ADAM22: variants seen among roughly 807,000 people sequenced by gnomAD.
The protein encoded by ADAM22 is ADAM metallopeptidase domain 22.
In ADAM22, 65 loss-of-function variants were observed where a neutral mutation model predicts 144.6. The observed-to-expected ratio is 0.45, with a 90% CI of 0.37 to 0.55. The LOEUF (loss-of-function observed/expected upper bound fraction) is 0.55, where lower values mean the gene tolerates loss of function less well. ADAM22 is among the 20% of genes least tolerant of loss of function. The pLI is 0.00. For missense variants in ADAM22, 974 were observed against 1,184.9 expected (o/e 0.82, Z 2.61); for synonymous variants, 391 against 412.6 (o/e 0.95, Z 0.63).
At chr7:88,126,794 A>G (rs527918138) in intron 8 of ADAM22, among the ~76,000 whole-genome samples, 375 of 152,024 alleles carry the variant, frequency 2.5e-3, no homozygotes, top group Non-Finnish European at 4.1e-3. Context: ...AAAGTTTTTC[A>G]TTCTGGAGCA....
chr7:88,061,224 C>T (rs1013140530), intron 3 of ADAM22, among the ~76,000 whole-genome samples: 1 of 152,154 alleles, frequency 6.6e-6, no homozygotes, highest in Non-Finnish European at 1.5e-5. Flanking sequence ...TGCAGGACTT[C>T]CTCCACTGAA....
intron 3 of ADAM22, among the ~76,000 whole-genome samples, chr7:88,070,731 T>C (rs557530171): frequency 7.9e-5 from 12 of 152,258 alleles, no homozygotes; most frequent in African/African-American, 2.6e-4. Flanking sequence ...ACTGAGAGAG[T>C]TATGCATTAG....
Position 88,199,854 on chromosome 7 carries a change from G to GT in ADAM22, c.*3366dup, listed in dbSNP as rs1851042287. On this transcript the variant is annotated 3_prime_UTR_variant, in exon 32 of 32. Coordinates refer to ENST00000413139, the MANE Select transcript of ADAM22 (RefSeq NM_001324418.2). ...ACTTTAAAAAGAATTTTAAAATTGTGTTTGTATATAAGGTCAGTCTGGCAT... is the reference window on the plus strand; with the variant it reads ...ACTTTAAAAAGAATTTTAAAATTGTGTTTTGTATATAAGGTCAGTCTGGCAT... 2 of 152,124 alleles carry GT rather than the reference G, an allele frequency of 1.3e-5. No homozygotes were observed. Among genetic ancestry groups the GT allele is most frequent in the Admixed American group, 1.3e-4 (2 of 15,274 alleles). The allele number at this position is 152,124 out of a possible 1,614,324, so 9.4% of individuals were successfully genotyped here.
intron 2 of ADAM22, among the ~76,000 whole-genome samples, chr7:87,955,605 C>G (rs958139835): frequency 2.6e-5 from 4 of 152,192 alleles, no homozygotes; most frequent in Non-Finnish European, 5.9e-5. Context: ...AGGAGGCAGT[C>G]TGCCCGTTCT....
chr7:88,175,232 A>G (rs557334387), intron 26 of ADAM22, among the ~76,000 whole-genome samples: 1 of 152,218 alleles, frequency 6.6e-6, no homozygotes, highest in Non-Finnish European at 1.5e-5. Context: ...GAATGCTAAC[A>G]TAACAACTAG....
intron 4 of ADAM22, among the ~76,000 whole-genome samples, chr7:88,079,947 A>G (rs1156380371): frequency 6.6e-6 from 1 of 152,198 alleles, no homozygotes; most frequent in Non-Finnish European, 1.5e-5. Flanking sequence ...ACGACACAGA[A>G]AGTTAAGAAG....
At chr7:88,130,569 C>G (rs1294611658) in intron 10 of ADAM22, 110 bp downstream of exon 10, 1 of 1,045,522 alleles carries the variant, frequency 9.6e-7, no homozygotes, top group South Asian at 1.8e-5. Flanking sequence ...TGCACTTCAG[C>G]CAAGGTGTCT....
intron 3 of ADAM22, among the ~76,000 whole-genome samples, chr7:87,985,185 C>T (rs1008451380): frequency 4.6e-5 from 7 of 151,446 alleles, no homozygotes; most frequent in South Asian, 2.1e-4. Flanking sequence ...TGGTGGCAGG[C>T]GCCTGTAGTC....
rs979163503 is a variant in ADAM22, at chr7:88,131,410, A to G, written c.967A>G (p.Lys323Glu). 5 of 1,613,694 alleles carry G rather than the reference A, an allele frequency of 3.1e-6. No homozygotes were observed. Among genetic ancestry groups the G allele is most frequent in the Admixed American group, 1.7e-5 (1 of 59,964 alleles). ...ATACAGGAGGGATTTTATCAAAGAG[A>G]AAAGTGATGCAGTTCACCTTTTTTC... ...MKYRRDFIKEKSDAVHLFSGS... is the reference protein window; with the variant it reads ...MKYRRDFIKEESDAVHLFSGS... The change falls in exon 11 of 32, where the codon AAA becomes GAA. Residue 323 changes from lysine (K) to glutamate (E), a missense_variant. Lys to Glu is a moderately conservative substitution (Grantham distance 56). Transcript: ENST00000413139.
intron 3 of ADAM22, among the ~76,000 whole-genome samples, chr7:88,066,648 G>T (rs1224303110): frequency 6.6e-6 from 1 of 152,076 alleles, no homozygotes; most frequent in Non-Finnish European, 1.5e-5. Flanking sequence ...GAGGAAGAGA[G>T]TGTCAAAAGA....
At chr7:87,934,653 C>T in intron 1 of ADAM22, 103 bp downstream of exon 1, 1 of 902,082 alleles carries the variant, frequency 1.1e-6, no homozygotes, top group Non-Finnish European at 1.5e-6. Flanking sequence ...CCCGAGTGCG[C>T]GGGGAGATTT....
intron 3 of ADAM22, among the ~76,000 whole-genome samples, chr7:88,071,591 C>CCACTA (rs781423313): frequency 8.4e-4 from 127 of 151,606 alleles, no homozygotes; most frequent in Non-Finnish European, 1.2e-3. Context: ...TGACAGTTGC[C>CCACTA]CACTACACAA....
intron 3 of ADAM22, among the ~76,000 whole-genome samples, chr7:88,068,699 C>G (rs1270234801): frequency 6.6e-6 from 1 of 152,128 alleles, no homozygotes; most frequent in African/African-American, 2.4e-5. Flanking sequence ...GCTATTATAT[C>G]TGGAAGATGC....
At chr7:87,984,706 G>A (rs575140131) in intron 3 of ADAM22, among the ~76,000 whole-genome samples, 2 of 152,086 alleles carry the variant, frequency 1.3e-5, no homozygotes, top group African/African-American at 4.8e-5. Flanking sequence ...TTTGAGACAG[G>A]TTCTTGCTCT....
intron 3 of ADAM22, among the ~76,000 whole-genome samples, chr7:87,982,309 T>C (rs1853747269): frequency 1.3e-5 from 2 of 152,056 alleles, no homozygotes; most frequent in South Asian, 4.2e-4. Context: ...GGTGTGAGGA[T>C]GAAAATAGCA....
intron 3 of ADAM22, among the ~76,000 whole-genome samples, chr7:88,073,559 C>A (rs1382718177): frequency 6.6e-6 from 1 of 152,202 alleles, no homozygotes; most frequent in Non-Finnish European, 1.5e-5. Context: ...GAACCAAAAG[C>A]TCCCACAGAC....
intron 2 of ADAM22, among the ~76,000 whole-genome samples, chr7:87,941,974 C>T (rs898910959): frequency 4.9e-4 from 74 of 152,124 alleles, no homozygotes; most frequent in Non-Finnish European, 3.2e-4. Context: ...GGAGAGAGGC[C>T]TGCTTTTTTC....
At chr7:88,036,698 C>G (rs1436886825) in intron 3 of ADAM22, among the ~76,000 whole-genome samples, 1 of 152,064 alleles carries the variant, frequency 6.6e-6, no homozygotes, top group African/African-American at 2.4e-5. Flanking sequence ...GCTGCCCAGT[C>G]TGTGAGAAAG....
At chr7:88,002,118 C>G (rs1026917193) in intron 3 of ADAM22, among the ~76,000 whole-genome samples, 3 of 152,106 alleles carry the variant, frequency 2.0e-5, no homozygotes, top group African/African-American at 7.2e-5. Context: ...AAATTTAACT[C>G]AAATTTGCAA....
Sources: allele counts gnomAD v4.1 joint callset (sites outside exome capture counted in the v4.1 genomes callset), GRCh38; gene constraint gnomAD v4.1.1; transcripts MANE v1.5; gene names NCBI Gene and HGNC (gene_info 2026-07-23, HGNC 2026-07-21).